The following TAF3 variants were observed in gnomAD, a reference collection of about 807,000 sequenced individuals.
TAF3 encodes the protein TATA-box binding protein associated factor 3.
TAF3 carries 7 observed loss-of-function variants against 80.6 expected under a neutral mutation model. The observed-to-expected ratio is 0.09, with a 90% CI of 0.05 to 0.16. TAF3 has a LOEUF of 0.16. Ranked by LOEUF, TAF3 falls within the 10% of genes least tolerant of loss-of-function variation. TAF3 has a pLI of 1.00. For missense variants in TAF3, 921 were observed against 1,140.2 expected, an observed-to-expected ratio of 0.81 and a Z score of 2.77; for synonymous variants, 444 against 446.1, an observed-to-expected ratio of 1.00 and a Z score of 0.06.
chr10:7,832,508 G>A (rs959259647), intron 2 of TAF3, among the ~76,000 whole-genome samples: 4 of 151,946 alleles, frequency 2.6e-5, no homozygotes, highest in African/African-American at 9.7e-5. Flanking sequence ...AGACTAAATT[G>A]GATATTTACC....
intron 3 of TAF3, among the ~76,000 whole-genome samples, chr10:7,966,138 G>A (rs1401614998): frequency 6.6e-6 from 1 of 152,188 alleles, no homozygotes; most frequent in Non-Finnish European, 1.5e-5. Context: ...GTTTCTAAAA[G>A]CATGCAAAAC....
At chr10:7,831,096 CT>C in intron 2 of TAF3, among the ~76,000 whole-genome samples, 1 of 152,288 alleles carries the variant, frequency 6.6e-6, no homozygotes, top group South Asian at 2.1e-4. Context: ...AATACTATCA[CT>C]TTGTTTTTAT....
chr10:7,883,525 G>C (rs1837380530), intron 2 of TAF3, among the ~76,000 whole-genome samples: 1 of 152,142 alleles, frequency 6.6e-6, no homozygotes, highest in Non-Finnish European at 1.5e-5. Context: ...CTATCTGGTG[G>C]AGAGATACTT....
intron 4 of TAF3, among the ~76,000 whole-genome samples, chr10:7,993,352 T>A (rs759280592): frequency 6.6e-6 from 1 of 152,176 alleles, no homozygotes; most frequent in South Asian, 2.1e-4. Context: ...CTAATTTTTT[T>A]ATTTTTTGTA....
Position 7,964,599 on chromosome 10 carries a change from G to C in TAF3, c.1089G>C (p.Gln363His). 6.2e-7 allele frequency: 1 copy of C among 1,614,076 alleles called. No homozygotes were observed. Among genetic ancestry groups the C allele is most frequent in the Middle Eastern group, 1.6e-4 (1 of 6,062 alleles). ...AGACTATCCAGGTAAAACAAATACA[G>C]ACACCCCCTGATGCTGGGAAACTGA... Reference protein sequence around the residue: ...SKETIQVKQIQTPPDAGKLNS... With the variant: ...SKETIQVKQIHTPPDAGKLNS... Residue 363 changes from glutamine (Q) to histidine (H), a missense_variant, in exon 3 of 7, where the codon CAG becomes CAC. Physicochemically the swap from Gln to His is conservative, Grantham distance 24. Coordinates refer to ENST00000344293, the MANE Select transcript of TAF3 (RefSeq NM_031923.4). This position sits in a 1 kb window ranked among gnomAD's most constrained non-coding sequence, Gnocchi z 4.1.
At chr10:7,953,601 C>T (rs941723996) in intron 2 of TAF3, among the ~76,000 whole-genome samples, 18 of 152,218 alleles carry the variant, frequency 1.2e-4, no homozygotes, top group Admixed American at 1.1e-3. Context: ...ATTTCCATTC[C>T]TGCCTTCATA....
chr10:7,863,526 C>T (rs1459156230), intron 2 of TAF3, among the ~76,000 whole-genome samples: 1 of 147,538 alleles, frequency 6.8e-6, no homozygotes, highest in Non-Finnish European at 1.5e-5. Flanking sequence ...AGGAGAATAG[C>T]TTGAACCTCA....
intron 4 of TAF3, among the ~76,000 whole-genome samples, chr10:7,980,697 G>A (rs528093239): frequency 6.6e-6 from 1 of 152,208 alleles, no homozygotes; most frequent in African/African-American, 2.4e-5. Context: ...CAGAAGCCTT[G>A]CCTTGATGCT....
At chr10:8,005,981 C>T (rs1831987297) in intron 4 of TAF3, among the ~76,000 whole-genome samples, 2 of 152,110 alleles carry the variant, frequency 1.3e-5, no homozygotes, top group African/African-American at 4.8e-5. Flanking sequence ...CTCTCTGTGC[C>T]TTGGTTTCTT....
At chr10:7,858,452 C>T (rs1837105491) in intron 2 of TAF3, among the ~76,000 whole-genome samples, 1 of 152,156 alleles carries the variant, frequency 6.6e-6, no homozygotes, top group African/African-American at 2.4e-5. Context: ...TGATCATTAG[C>T]AGGGGTTGTT....
intron 2 of TAF3, among the ~76,000 whole-genome samples, chr10:7,908,501 T>C (rs1293441840): frequency 6.6e-6 from 1 of 152,196 alleles, no homozygotes; most frequent in East Asian, 1.9e-4. Context: ...GCCATAGACC[T>C]AACACCTTAT....
At position 7,964,810 on chromosome 10, in the gene TAF3, C is replaced by A. The variant is rs775904530; in HGVS notation, c.1300C>A (p.Pro434Thr). 2 of 1,614,186 alleles carry A rather than the reference C, an allele frequency of 1.2e-6. No homozygotes were observed. The highest frequency in any genetic ancestry group is 1.7e-6 in the Non-Finnish European group (2 of 1,180,048). ...KRISGPECTT[P>T]KASTSANNFT... ...AATTTCAGGCCCGGAGTGTACTACT[C>A]CCAAAGCTTCCACTTCCGCGAACAA... The change falls in exon 3 of 7, where the codon CCC becomes ACC. Residue 434 changes from proline (P) to threonine (T), a missense_variant. Physicochemically the swap from Pro to Thr is conservative, Grantham distance 38. Coordinates refer to ENST00000344293, the MANE Select transcript of TAF3 (RefSeq NM_031923.4). This position sits in a 1 kb window ranked among gnomAD's most constrained non-coding sequence, Gnocchi z 4.1.
chr10:7,906,810 A>G (rs1332197673), intron 2 of TAF3, among the ~76,000 whole-genome samples: 1 of 150,990 alleles, frequency 6.6e-6, no homozygotes, highest in Non-Finnish European at 1.5e-5. Context: ...CTCAAACTCC[A>G]GGGCTCAACT....
At chr10:7,839,908 A>G (rs1836893760) in intron 2 of TAF3, among the ~76,000 whole-genome samples, 3 of 152,202 alleles carry the variant, frequency 2.0e-5, no homozygotes, top group Admixed American at 2.0e-4. Flanking sequence ...CATGGAGAGT[A>G]GAAGTCCCAG....
At chr10:7,928,438 A>T (rs887949598) in intron 2 of TAF3, among the ~76,000 whole-genome samples, 1 of 152,232 alleles carries the variant, frequency 6.6e-6, no homozygotes, top group African/African-American at 2.4e-5. Context: ...GTGTCAAAAA[A>T]TGCCATTTTA....
chr10:7,876,104 C>T (rs1436042028), intron 2 of TAF3, among the ~76,000 whole-genome samples: 4 of 151,750 alleles, frequency 2.6e-5, no homozygotes, highest in South Asian at 2.1e-4. Context: ...TAAAGGGAGA[C>T]GCTTAATGAC....
rs749588517 is a variant in TAF3, at chr10:7,982,707, AT to A, written c.2315+5393del. ...GAGCAATCTTGCTTGACTGAAATAC[AT>A]TTTTTTTTAAAGGAAGGTGTTTCAC... is the stretch of plus-strand genomic sequence containing the variant. On this transcript the variant is annotated intron_variant, in intron 4 of 6. Transcript: ENST00000344293. Among the ~76,000 whole-genome samples, 15 of 151,720 alleles carry A rather than the reference AT, an allele frequency of 9.9e-5. No homozygotes were observed. The South Asian group carries it at 1.9e-3, about 19-fold the overall frequency.
At chr10:8,006,681 CTT>C (rs1034023979) in intron 4 of TAF3, among the ~76,000 whole-genome samples, 13 of 152,272 alleles carry the variant, frequency 8.5e-5, no homozygotes, top group African/African-American at 3.1e-4. Context: ...TTTGAAGTAA[CTT>C]AATGTTTTAT....
chr10:7,928,384 T>A (rs549712878), intron 2 of TAF3, among the ~76,000 whole-genome samples: 32 of 152,346 alleles, frequency 2.1e-4, no homozygotes, highest in Non-Finnish European at 2.4e-4. Context: ...TTTAGGTAAC[T>A]GAGTGGGCCA....
Sources: allele counts gnomAD v4.1 joint callset (sites outside exome capture counted in the v4.1 genomes callset), GRCh38; gene constraint gnomAD v4.1.1; non-coding constraint Gnocchi (gnomAD v3.1); transcripts MANE v1.5; gene names NCBI Gene and HGNC (gene_info 2026-07-23, HGNC 2026-07-21).